PRMT8: variants seen among roughly 807,000 people sequenced by gnomAD.
PRMT8 encodes protein arginine N-methyltransferase 8.
In PRMT8, 7 loss-of-function variants were observed where a neutral mutation model predicts 47.1. The observed-to-expected ratio is 0.15, with a 90% CI of 0.08 to 0.28. The LOEUF (loss-of-function observed/expected upper bound fraction) is 0.28. Among genes scored for constraint, PRMT8 ranks in the 10% least tolerant of loss-of-function variants. The pLI is 1.00. For synonymous variants in PRMT8, 188 were observed against 186.5 expected, an observed-to-expected ratio of 1.01 and a Z score of -0.07; for missense variants, 237 against 505.4, an observed-to-expected ratio of 0.47 and a Z score of 5.09.
chr12:3,398,799 C>G (rs185157560), intron 1 of PRMT8, among the ~76,000 whole-genome samples: 16 of 152,282 alleles, frequency 1.1e-4, no homozygotes, highest in Admixed American at 3.3e-4. Context: ...GTCATGATGA[C>G]GTTAGGAGGC....
In PRMT8 at chr12:3,576,084, A is replaced by T. The variant is rs984576536; in HGVS notation, c.713-787A>T. Among the ~76,000 whole-genome samples, 1 of 152,156 alleles carries T rather than the reference A, an allele frequency of 6.6e-6. No homozygotes were observed. Among genetic ancestry groups the T allele is most frequent in the Non-Finnish European group, 1.5e-5 (1 of 68,032 alleles). On this transcript the variant is annotated intron_variant, in intron 6 of 9. Coordinates refer to ENST00000382622, the MANE Select transcript of PRMT8 (RefSeq NM_019854.5). This position sits in a 1 kb window ranked among gnomAD's most constrained non-coding sequence, Gnocchi z 4.0. ...ATCAGACTTGAATTAATTTCTCACC[A>T]ACCCCCTAGATCTTTCTCCCTCCCA...
At chr12:3,426,623 A>G (rs1864607190) in intron 1 of PRMT8, among the ~76,000 whole-genome samples, 1 of 152,250 alleles carries the variant, frequency 6.6e-6, no homozygotes, top group Admixed American at 6.5e-5. Flanking sequence ...GGCAAGCATT[A>G]AATGCAATAG....
At chr12:3,392,761 G>C (rs1032134166) in intron 1 of PRMT8, among the ~76,000 whole-genome samples, 1 of 151,960 alleles carries the variant, frequency 6.6e-6, no homozygotes, top group African/African-American at 2.4e-5. Flanking sequence ...GGTATTTCTA[G>C]TTCTAGATCC....
At chr12:3,579,838 G>A (rs999904255) in intron 7 of PRMT8, among the ~76,000 whole-genome samples, 1 of 152,048 alleles carries the variant, frequency 6.6e-6, no homozygotes. Context: ...GGATCGCAGC[G>A]GCCAGGGGCA....
chr12:3,532,224 C>CCTAATTCCT (rs1202114714), intron 1 of PRMT8, among the ~76,000 whole-genome samples: 3 of 149,938 alleles, frequency 2.0e-5, no homozygotes, highest in Non-Finnish European at 4.4e-5. Flanking sequence ...TAGTAGATGC[C>CCTAATTCCT]CTAATTCCTC....
intron 1 of PRMT8, chr12:3,469,191 C>G: frequency 2.1e-6 from 1 of 485,654 alleles, no homozygotes; most frequent in South Asian, 1.6e-5. Context: ...CAATTCACAG[C>G]AAAGTAGTCA....
intron 1 of PRMT8, among the ~76,000 whole-genome samples, chr12:3,515,484 G>A (rs1865776843): frequency 6.6e-6 from 1 of 152,144 alleles, no homozygotes; most frequent in South Asian, 2.1e-4. Flanking sequence ...CCTGCACGTT[G>A]TGCACATGTA....
At chr12:3,496,512 T>C (rs904174996) in intron 1 of PRMT8, among the ~76,000 whole-genome samples, 5 of 152,032 alleles carry the variant, frequency 3.3e-5, no homozygotes, top group Admixed American at 2.6e-4. Context: ...TCTTCATCTA[T>C]GTCTGTTTCT....
At chr12:3,478,715 T>C (rs534999391) in intron 1 of PRMT8, among the ~76,000 whole-genome samples, 3 of 152,348 alleles carry the variant, frequency 2.0e-5, no homozygotes, top group Non-Finnish European at 4.4e-5. Context: ...GCTCATGTGG[T>C]CACCTGTTAT....
intron 1 of PRMT8, among the ~76,000 whole-genome samples, chr12:3,471,203 C>T (rs914443548): frequency 1.3e-5 from 2 of 151,970 alleles, no homozygotes; most frequent in African/African-American, 2.4e-5. Context: ...TGGGTGGGTG[C>T]AGTCTGTCAC....
At chr12:3,530,095 C>T (rs1339112200) in intron 1 of PRMT8, among the ~76,000 whole-genome samples, 1 of 152,154 alleles carries the variant, frequency 6.6e-6, no homozygotes, top group African/African-American at 2.4e-5. Context: ...TTGGTAAAGA[C>T]ATTTTGAGTA....
intron 1 of PRMT8, among the ~76,000 whole-genome samples, chr12:3,448,290 C>A (rs1864879636): frequency 6.6e-6 from 1 of 152,194 alleles, no homozygotes; most frequent in African/African-American, 2.4e-5. Flanking sequence ...CAGGCGTGAG[C>A]CACCATGCTT....
chr12:3,403,200 A>G (rs1864335801), intron 1 of PRMT8, among the ~76,000 whole-genome samples: 1 of 152,218 alleles, frequency 6.6e-6, no homozygotes, highest in African/African-American at 2.4e-5. Flanking sequence ...CATTTTCCTC[A>G]GCAAACTAAC....
At chr12:3,519,161 G>A (rs1030960814) in intron 1 of PRMT8, among the ~76,000 whole-genome samples, 6 of 152,054 alleles carry the variant, frequency 3.9e-5, no homozygotes, top group East Asian at 1.9e-4. Flanking sequence ...GGCCCAGCAC[G>A]GCTCAGCTCG....
intron 1 of PRMT8, among the ~76,000 whole-genome samples, chr12:3,459,102 C>A (rs1368625005): frequency 1.3e-5 from 2 of 152,230 alleles, no homozygotes; most frequent in Non-Finnish European, 2.9e-5. Flanking sequence ...ATCCAGATTC[C>A]TTCATCCCCC....
chr12:3,540,625 A>ACC lies in PRMT8; in HGVS notation c.95_96insCC (p.Gln32HisfsTer35). Reference sequence around the variant, plus strand: ...CCTCAGGTGAACAGCCCCCCCTCCCAGCCCCCCCAGCCCGTCGTCCCTGCT... The same window carrying ACC: ...CCTCAGGTGAACAGCCCCCCCTCCCACCGCCCCCCCAGCCCGTCGTCCCTGCT... On this transcript the variant is annotated frameshift_variant, in exon 2 of 10. Coordinates refer to ENST00000382622, the MANE Select transcript of PRMT8 (RefSeq NM_019854.5). LOFTEE classifies it high-confidence loss of function. 5.8e-6 allele frequency: 2 copies of ACC among 346,854 alleles called. No homozygotes were observed. Among genetic ancestry groups the ACC allele is most frequent in the Non-Finnish European group, 9.8e-6 (2 of 204,122 alleles). The allele number at this position is 346,854 out of a possible 1,614,324, so 21.5% of individuals were successfully genotyped here. A position where few individuals can be genotyped will look rare whatever the true frequency, so the allele number is the denominator to read the frequency against.
intron 1 of PRMT8, among the ~76,000 whole-genome samples, chr12:3,474,465 C>T (rs751745151): frequency 2.0e-5 from 3 of 152,174 alleles, no homozygotes; most frequent in Non-Finnish European, 4.4e-5. Context: ...GCCCATCCCC[C>T]ACCTGTCTCT....
intron 7 of PRMT8, among the ~76,000 whole-genome samples, chr12:3,578,109 T>A (rs758372327): frequency 6.6e-6 from 1 of 152,192 alleles, no homozygotes; most frequent in South Asian, 2.1e-4. Flanking sequence ...TTCATATAAT[T>A]CAAGCCAAAA....
chr12:3,428,654 T>G (rs1864633971), intron 1 of PRMT8, among the ~76,000 whole-genome samples: 1 of 151,900 alleles, frequency 6.6e-6, no homozygotes, highest in African/African-American at 2.4e-5. Context: ...TTTTTTTTTT[T>G]CTTAACTACT....
Sources: allele counts gnomAD v4.1 joint callset (sites outside exome capture counted in the v4.1 genomes callset), GRCh38; gene constraint gnomAD v4.1.1; non-coding constraint Gnocchi (gnomAD v3.1); transcripts MANE v1.5; gene names NCBI Gene and HGNC (gene_info 2026-07-23, HGNC 2026-07-21).